The following AGK variants were observed in gnomAD, a reference collection of about 807,000 sequenced individuals.
AGK encodes the protein acylglycerol kinase, mitochondrial.
In AGK, 52 loss-of-function variants were observed where a neutral mutation model predicts 66.4. The observed-to-expected ratio is 0.78, with a 90% CI of 0.63 to 0.99. The LOEUF (loss-of-function observed/expected upper bound fraction) is 0.99, where lower values mean the gene tolerates loss of function less well. Ranked by LOEUF, AGK falls within the 50% of genes least tolerant of loss-of-function variation. The pLI, the probability that AGK is intolerant of heterozygous loss-of-function variation, is 0.00. For missense variants in AGK, 451 were observed against 506.6 expected, an observed-to-expected ratio of 0.89 and a Z score of 1.05; for synonymous variants, 182 against 181.1, an observed-to-expected ratio of 1.00 and a Z score of -0.04.
intron 9 of AGK, among the ~76,000 whole-genome samples, chr7:141,623,499 C>G (rs1796871581): frequency 6.6e-6 from 1 of 152,052 alleles, no homozygotes; most frequent in Admixed American, 6.5e-5. Flanking sequence ...ACAACATTCC[C>G]TTAAGCCACA....
chr7:141,604,180 G>C (rs1390004163), intron 5 of AGK, among the ~76,000 whole-genome samples: 1 of 151,092 alleles, frequency 6.6e-6, no homozygotes, highest in East Asian at 1.9e-4. Context: ...CTCTTTACAG[G>C]GTTTGTTTTC....
At chr7:141,624,357 G>A (rs1184770301) in intron 9 of AGK, among the ~76,000 whole-genome samples, 1 of 152,142 alleles carries the variant, frequency 6.6e-6, no homozygotes, top group Admixed American at 6.6e-5. Flanking sequence ...GGTGGTGTGG[G>A]CCTATAGTCC....
rs529206258 is a variant in AGK, at chr7:141,571,823, G to C, written c.101+16256G>C. ...GATAATAGTAGTACCCATTTCACTG[G>C]TCATGCAGATTTTTTTTAGAACAAT... On this transcript the variant is annotated intron_variant, in intron 2 of 15. Coordinates refer to ENST00000649286, the MANE Select transcript of AGK (RefSeq NM_018238.4). Among the ~76,000 whole-genome samples the C allele has an allele frequency of 5.3e-5, 8 of 152,236 alleles. No homozygotes were observed. The South Asian group carries it at 1.5e-3, about 28-fold the overall frequency.
At chr7:141,637,401 A>C (rs1188761285) in intron 11 of AGK, among the ~76,000 whole-genome samples, 1 of 152,208 alleles carries the variant, frequency 6.6e-6, no homozygotes, top group Non-Finnish European at 1.5e-5. Flanking sequence ...TATAATATCT[A>C]ATTGTACAGG....
intron 5 of AGK, among the ~76,000 whole-genome samples, chr7:141,609,474 A>C (rs1562971898): frequency 6.6e-6 from 1 of 152,186 alleles, no homozygotes; most frequent in Non-Finnish European, 1.5e-5. Flanking sequence ...GGGAACAACA[A>C]ATGGAAAGAT....
At chr7:141,605,617 C>T (rs1486709118) in intron 5 of AGK, among the ~76,000 whole-genome samples, 3 of 152,184 alleles carry the variant, frequency 2.0e-5, no homozygotes, top group African/African-American at 7.2e-5. Flanking sequence ...GGTACCTAGC[C>T]TACCATTCTT....
rs145655739 is a variant in AGK at position 141,587,043 on chromosome 7, T to G, written c.102-6103T>G. On this transcript the variant is annotated intron_variant, in intron 2 of 15. Transcript: ENST00000649286. ...ACCCGGGTTCTCACCCCACCTCGGA[T>G]AGACAGACCCAGAACTAAGCTCAGT... 3.4e-3 allele frequency among the ~76,000 whole-genome samples: 514 copies of G among 152,330 alleles called. 3 individuals carry two copies. The highest frequency in any genetic ancestry group is 4.9e-3 in the Non-Finnish European group (335 of 68,030).
intron 2 of AGK, among the ~76,000 whole-genome samples, chr7:141,573,403 T>A (rs1407243838): frequency 6.6e-6 from 1 of 152,206 alleles, no homozygotes; most frequent in Non-Finnish European, 1.5e-5. Flanking sequence ...CCCCTCTCTC[T>A]TGGGAGTGGT....
Position 141,596,623 on chromosome 7 carries a change from A to G in AGK, c.203A>G (p.Asn68Ser), listed in dbSNP as rs565745559. The change falls in exon 4 of 16, where the codon AAT becomes AGT. Residue 68 changes from asparagine to serine, a missense_variant. Coordinates refer to ENST00000649286, the MANE Select transcript of AGK (RefSeq NM_018238.4). Reference protein sequence around the residue: ...AQVKKATVFLNPAACKGKART... With the variant: ...AQVKKATVFLSPAACKGKART... ...GTGAAGAAGGCCACTGTTTTTCTCAATCCTGCAGCTTGCAAAGGGTAGTTC... is the reference window on the plus strand; with the variant it reads ...GTGAAGAAGGCCACTGTTTTTCTCAGTCCTGCAGCTTGCAAAGGGTAGTTC... 37 of 1,614,040 alleles carry G rather than the reference A, an allele frequency of 2.3e-5. No individual in the cohort carries two copies. Among genetic ancestry groups the G allele is most frequent in the East Asian group, 1.1e-4 (5 of 44,860 alleles).
At chr7:141,630,313 G>T (rs1236400139) in intron 9 of AGK, among the ~76,000 whole-genome samples, 1 of 152,082 alleles carries the variant, frequency 6.6e-6, no homozygotes, top group East Asian at 1.9e-4. Context: ...GTGCAAAGTT[G>T]CAGTTAGATA....
intron 2 of AGK, among the ~76,000 whole-genome samples, chr7:141,559,710 A>T (rs1025474163): frequency 6.6e-6 from 1 of 152,178 alleles, no homozygotes; most frequent in Non-Finnish European, 1.5e-5. Context: ...AACAATATTA[A>T]GTCTTCTAAT....
intron 7 of AGK, among the ~76,000 whole-genome samples, chr7:141,614,774 C>A (rs376300736): frequency 7.3e-6 from 1 of 137,238 alleles, no homozygotes; most frequent in Non-Finnish European, 1.6e-5. Flanking sequence ...GTATCTCTAT[C>A]GTTTTATTTC....
chr7:141,592,083 C>G lies in AGK; in HGVS notation c.102-1063C>G, dbSNP rs148337597. On this transcript the variant is annotated intron_variant, in intron 2 of 15. Transcript: ENST00000649286. ...ATCAAATTTACTTGTGGCAAATGAC[C>G]TAATTTCCACTGGGTAAGAAAAATG... Among the ~76,000 whole-genome samples, 5 of 152,272 alleles carry G rather than the reference C, an allele frequency of 3.3e-5. No homozygotes were observed. The East Asian group carries it at 7.7e-4, about 23-fold the overall frequency.
intron 2 of AGK, among the ~76,000 whole-genome samples, chr7:141,576,717 C>T (rs1054554380): frequency 2.6e-5 from 4 of 151,736 alleles, no homozygotes; most frequent in African/African-American, 9.7e-5. Context: ...TCTTTGAAGA[C>T]AAACTTGGAG....
chr7:141,600,603 G>T (rs1796321210), intron 4 of AGK, among the ~76,000 whole-genome samples: 1 of 152,126 alleles, frequency 6.6e-6, no homozygotes, highest in Admixed American at 6.6e-5. Context: ...GAGGTCAGGG[G>T]ATTCAAGGAT....
intron 2 of AGK, among the ~76,000 whole-genome samples, chr7:141,569,968 C>T (rs1159873876): frequency 1.3e-5 from 2 of 152,198 alleles, no homozygotes; most frequent in African/African-American, 4.8e-5. Context: ...CTTGCCTTTG[C>T]CACTTTCTGG....
intron 10 of AGK, among the ~76,000 whole-genome samples, chr7:141,636,595 G>A (rs1348480337): frequency 1.3e-5 from 2 of 152,006 alleles, no homozygotes; most frequent in African/African-American, 4.8e-5. Flanking sequence ...TTTTATATCC[G>A]GGACTTGAAC....
chr7:141,612,474 T>A (rs1796610411), intron 6 of AGK, among the ~76,000 whole-genome samples: 1 of 152,136 alleles, frequency 6.6e-6, no homozygotes, highest in Non-Finnish European at 1.5e-5. Context: ...GTGTTATACA[T>A]TTGTGGGAAC....
intron 2 of AGK, among the ~76,000 whole-genome samples, chr7:141,591,995 ATT>A (rs1028467978): frequency 2.0e-5 from 3 of 152,196 alleles, no homozygotes; most frequent in African/African-American, 2.4e-5. Context: ...TTTATGATTT[ATT>A]GTCTGACAGT....
Sources: allele counts gnomAD v4.1 joint callset (sites outside exome capture counted in the v4.1 genomes callset), GRCh38; gene constraint gnomAD v4.1.1; transcripts MANE v1.5; gene names NCBI Gene and HGNC (gene_info 2026-07-23, HGNC 2026-07-21).